Variants in STARD9 observed in about 807,000 individuals in gnomAD.
The protein encoded by STARD9 is StAR related lipid transfer domain containing 9, also known as stAR-related lipid transfer protein 9.
A neutral mutation model predicts 399.8 loss-of-function variants in STARD9; 346 were observed. The observed-to-expected ratio is 0.87, with a 90% CI of 0.79 to 0.95. The LOEUF is 0.95. Among genes scored for constraint, STARD9 ranks in the 40% least tolerant of loss-of-function variants. The probability of loss-of-function intolerance (pLI) is 0.00; values close to 1 mark genes in which losing one functional copy is unlikely to be tolerated. For missense variants in STARD9, 5,832 were observed against 5,667.5 expected (o/e 1.03, Z -0.93); for synonymous variants, 2,203 against 2,143.5 (o/e 1.03, Z -0.77).
At chr15:42,665,193 A>C in intron 13 of STARD9, 60 bp from the exon 14 acceptor site, 1 of 1,353,448 alleles carries the variant, frequency 7.4e-7, no homozygotes. Context: ...TGCAACTAGC[A>C]TTTCACAGCT....
Position 42,634,989 on chromosome 15 carries a change from TA to T in STARD9, c.351+18del. On this transcript the variant is annotated intron_variant, in intron 4 of 32. Coordinates refer to ENST00000290607, the MANE Select transcript of STARD9 (RefSeq NM_020759.3). ...GGGACCCCAGTGAGTATTACAATGA[TA>T]TATATTCCTAATGCCACAGCAAGCC... 7.3e-7 allele frequency: 1 copy of T among 1,379,256 alleles called. No individual in the cohort carries two copies. The highest frequency in any genetic ancestry group is 9.9e-7 in the Non-Finnish European group (1 of 1,009,792). The allele number at this position is 1,379,256 out of a possible 1,614,324, so 85.4% of individuals were successfully genotyped here. A position where few individuals can be genotyped will look rare whatever the true frequency, so the allele number is the denominator to read the frequency against.
chr15:42,576,554 A>G (rs1477507900), intron 1 of STARD9, among the ~76,000 whole-genome samples: 1 of 152,172 alleles, frequency 6.6e-6, no homozygotes, highest in Non-Finnish European at 1.5e-5. Context: ...GGGACTAACT[A>G]GAGGTTAAGT....
chr15:42,641,264 C>G (rs962488988), intron 7 of STARD9, among the ~76,000 whole-genome samples: 1 of 152,188 alleles, frequency 6.6e-6, no homozygotes, highest in Non-Finnish European at 1.5e-5. Context: ...ATACTACATT[C>G]TAAACCAATA....
rs867757809 is a variant in STARD9 at position 42,686,575 on chromosome 15, A to G, written c.4997A>G (p.Asp1666Gly). The stretch of plus-strand genomic sequence containing the variant: ...AATGTCACTACAGCCACCAAAGCAG[A>G]CCATTGGTCCCAAGGCTGGGCTCCT... The part of the protein sequence containing the change: ...HSNVTTATKA[D>G]HWSQGWAPLR... Residue 1666 changes from aspartate to glycine, a missense_variant, in exon 23 of 33, where the codon GAC becomes GGC. By Grantham distance (94) the Asp-to-Gly change is moderately conservative. Around this residue, in one of 2 missense-constraint regions of STARD9, gnomAD observed 5,828 missense variants for 5,651.1 expected, o/e 1.03. Transcript: ENST00000290607. 6.5e-7 allele frequency: 1 copy of G among 1,537,476 alleles called. No individual in the cohort carries two copies. The highest frequency in any genetic ancestry group is 1.4e-5 in the African/African-American group (1 of 73,146).
At chr15:42,601,516 CGGCTGGCCGGGCGGG>C (rs1040273479) in intron 3 of STARD9, among the ~76,000 whole-genome samples, 1 of 146,750 alleles carries the variant, frequency 6.8e-6, no homozygotes, top group Non-Finnish European at 1.5e-5. Context: ...CCGGATGGGG[CGGCTGGCCGGGCGGG>C]GGCTGCCCCC....
At chr15:42,681,987 C>A in intron 21 of STARD9, 117 bp from the exon 22 acceptor site, 1 of 708,566 alleles carries the variant, frequency 1.4e-6, no homozygotes, top group Non-Finnish European at 2.3e-6. Context: ...GCCACATCAC[C>A]TTGGCCAGCT....
At chr15:42,624,675 A>C (rs977724259) in intron 3 of STARD9, among the ~76,000 whole-genome samples, 2 of 151,910 alleles carry the variant, frequency 1.3e-5, no homozygotes, top group Non-Finnish European at 2.9e-5. Flanking sequence ...AAGCCTCCCA[A>C]GTAGCTGGGA....
chr15:42,700,399 A>G (rs971649596), intron 26 of STARD9, among the ~76,000 whole-genome samples: 2 of 152,224 alleles, frequency 1.3e-5, no homozygotes, highest in African/African-American at 4.8e-5. Context: ...TTCTACCAGC[A>G]GTGTATAAGA....
chr15:42,601,188 G>T (rs1028195213), intron 3 of STARD9, among the ~76,000 whole-genome samples: 19 of 152,096 alleles, frequency 1.2e-4, no homozygotes, highest in African/African-American at 4.6e-4. Flanking sequence ...TGGGGGTAAG[G>T]TTATAGATTA....
intron 9 of STARD9, among the ~76,000 whole-genome samples, chr15:42,655,935 A>G (rs1340343812): frequency 5.3e-5 from 8 of 152,310 alleles, no homozygotes; most frequent in Non-Finnish European, 8.8e-5. Flanking sequence ...AACAGTTCTC[A>G]AAAGAAGATA....
chr15:42,692,938 C>T lies in STARD9; in HGVS notation c.11360C>T (p.Ala3787Val). 6.5e-7 allele frequency: 1 copy of T among 1,537,208 alleles called. No individual in the cohort carries two copies. Among genetic ancestry groups the T allele is most frequent in the South Asian group, 1.2e-5 (1 of 84,058 alleles). Residue 3787 changes from alanine (A) to valine (V), a missense_variant, in exon 23 of 33, where the codon GCA (alanine) becomes GTA (valine). Physicochemically the swap from Ala to Val is moderately conservative, Grantham distance 64 (BLOSUM62 0). This residue lies in a region of STARD9 where 5,828 missense variants were observed against 5,651.1 expected (regional missense o/e 1.03). Coordinates refer to ENST00000290607, the MANE Select transcript of STARD9 (RefSeq NM_020759.3). ...CCAGGGGTACCTCAGAAGAGAGAGG[C>T]AGAGGAAACAGCACAGAAAATGGCT... ...DVPGVPQKRE[A>V]EETAQKMAQL...
chr15:42,637,837 C>T, intron 4 of STARD9, 70 bp from the exon 5 acceptor site: 2 of 1,481,458 alleles, frequency 1.4e-6, no homozygotes, highest in Non-Finnish European at 1.8e-6. Context: ...GAGGATGGTT[C>T]CTGGGTATTC....
Position 42,581,176 on chromosome 15 carries a change from CATG to C in STARD9, c.48-2167_48-2165del, listed in dbSNP as rs2058160952. ...CACCCCCCAGCTGCATGTTTCCTGT[CATG>C]ATTGTTCAAGTTGTTCAAATTATTG... is the stretch of plus-strand genomic sequence containing the variant. On this transcript the variant is annotated intron_variant, in intron 1 of 32. Coordinates refer to ENST00000290607, the MANE Select transcript of STARD9 (RefSeq NM_020759.3). 4 of 764,306 alleles carry C rather than the reference CATG, an allele frequency of 5.2e-6. No individual in the cohort carries two copies. In the South Asian group the frequency reaches 5.5e-5, roughly 11 times the overall value. The allele number at this position is 764,306 out of a possible 1,614,324, so 47.3% of individuals were successfully genotyped here.
intron 3 of STARD9, among the ~76,000 whole-genome samples, chr15:42,618,636 C>T (rs765187761): frequency 1.3e-5 from 2 of 150,820 alleles, no homozygotes; most frequent in Non-Finnish European, 3.0e-5. Context: ...CTTGCTCTGT[C>T]ACCAGGCTGG....
In STARD9 at chr15:42,674,913, C is replaced by T. The variant is rs139427190; in HGVS notation, c.1636C>T (p.Arg546Cys). 171 of 1,536,998 alleles carry T rather than the reference C, an allele frequency of 1.1e-4. No homozygotes were observed. The African/African-American group carries it at 2.1e-3, about 19-fold the overall frequency. ...TGTTCTACGACCTGCCCGTGGGGCC[C>T]GCTGTACAGTCAATGGCCGGGAGGT... ...VVVLRPARGA[R>C]CTVNGREVTA... The change falls in exon 18 of 33, where the codon CGC becomes TGC. Residue 546 changes from arginine (R) to cysteine (C), a missense_variant. Physicochemically the swap from Arg to Cys is radical, Grantham distance 180. Around this residue, in one of 2 missense-constraint regions of STARD9, gnomAD observed 5,828 missense variants for 5,651.1 expected, o/e 1.03. Transcript: ENST00000290607.
At chr15:42,670,932 G>C (rs1357828718) in intron 16 of STARD9, 1 of 152,134 alleles carries the variant, frequency 6.6e-6, no homozygotes, top group Non-Finnish European at 1.5e-5. Flanking sequence ...GTCAGGAAGA[G>C]ACCAGATTGA....
intron 12 of STARD9, 126 bp from the exon 13 acceptor site, chr15:42,663,694 C>T (rs1566914435): frequency 2.4e-6 from 2 of 827,674 alleles, no homozygotes; most frequent in Non-Finnish European, 3.8e-6. Context: ...GAGAAAGGGC[C>T]ATGACCACCT....
At chr15:42,601,393 G>C (rs867600706) in intron 3 of STARD9, among the ~76,000 whole-genome samples, 1 of 151,966 alleles carries the variant, frequency 6.6e-6, no homozygotes, top group African/African-American at 2.4e-5. Flanking sequence ...ACCTCCCGAC[G>C]GGGTGGCGGC....
intron 3 of STARD9, among the ~76,000 whole-genome samples, chr15:42,606,618 G>C (rs2058728661): frequency 6.7e-6 from 1 of 149,778 alleles, no homozygotes; most frequent in African/African-American, 2.5e-5. Context: ...ACCACACCCA[G>C]CTAATTTTTG....
Sources: allele counts gnomAD v4.1 joint callset (sites outside exome capture counted in the v4.1 genomes callset), GRCh38; gene constraint gnomAD v4.1.1; regional missense constraint gnomAD v4.1.1; transcripts MANE v1.5; gene names NCBI Gene and HGNC (gene_info 2026-07-23, HGNC 2026-07-21).